OFD1: variants seen among roughly 807,000 people sequenced by gnomAD.
OFD1 encodes the protein centriole and centriolar satellite protein OFD1.
OFD1 carries 12 observed loss-of-function variants against 81.4 expected under a neutral mutation model. The ratio of observed to expected loss-of-function variants is 0.15; its 90% CI spans 0.09 to 0.24. OFD1 has a LOEUF of 0.24. Ranked by LOEUF, OFD1 falls within the 10% of genes least tolerant of loss-of-function variation. The probability of loss-of-function intolerance (pLI) is 1.00; values close to 1 mark genes in which losing one functional copy is unlikely to be tolerated. For synonymous variants in OFD1, 256 were observed against 263.7 expected (o/e 0.97, Z 0.28); for missense variants, 685 against 733.9 (o/e 0.93, Z 0.77).
intron 13 of OFD1, 122 bp from the exon 14 acceptor site, chrX:13,757,538 T>G: frequency 1.4e-6 from 1 of 704,525 alleles, no homozygotes; most frequent in Non-Finnish European, 2.1e-6. Context: ...TATTATCATA[T>G]TTATTGAGTC....
intron 19 of OFD1, among the ~76,000 whole-genome samples, chrX:13,764,665 C>T (rs761365556): frequency 8.9e-6 from 1 of 112,424 alleles, no homozygotes; most frequent in Non-Finnish European, 1.9e-5. Flanking sequence ...ATACCCAAAA[C>T]CCCTGTTAGC....
intron 18 of OFD1, among the ~76,000 whole-genome samples, chrX:13,762,679 A>G (rs1158134854): frequency 8.9e-6 from 1 of 112,864 alleles, no homozygotes; most frequent in Non-Finnish European, 1.9e-5. Flanking sequence ...GTTTGAGCTA[A>G]GCTTATAAAT....
chrX:13,728,041 C>G, the OFD1 span, among the ~76,000 whole-genome samples: 2 of 112,074 alleles, frequency 1.8e-5, no homozygotes, highest in Non-Finnish European at 3.8e-5. Flanking sequence ...TCTCCCAAGG[C>G]TAAACCAGGA....
chrX:13,764,349 T>G (rs1163672278), intron 19 of OFD1, among the ~76,000 whole-genome samples: 1 of 112,643 alleles, frequency 8.9e-6, no homozygotes, highest in African/African-American at 3.2e-5. Flanking sequence ...ACAGAAAAAC[T>G]TCGTATTTCA....
intron 3 of OFD1, among the ~76,000 whole-genome samples, chrX:13,737,095 A>G (rs2046896329): frequency 8.9e-6 from 1 of 111,794 alleles, no homozygotes. Context: ...AACATCAAGT[A>G]ACTTTTAAGT....
chrX:13,763,895 T>C, intron 19 of OFD1, 40 bp downstream of exon 19: 1 of 966,000 alleles, frequency 1.0e-6, no homozygotes, highest in Non-Finnish European at 1.5e-6. Context: ...CAGGGTCGCA[T>C]ACTAAATACC....
At chrX:13,749,626 A>G (rs2047430081) in intron 9 of OFD1, 93 bp downstream of exon 9, 2 of 575,317 alleles carry the variant, frequency 3.5e-6, no homozygotes, top group Admixed American at 5.3e-5. Context: ...TTCATTGCCA[A>G]GTAGAGTTCT....
upstream of OFD1, among the ~76,000 whole-genome samples, chrX:13,731,742 T>C (rs891583779): frequency 2.7e-5 from 3 of 112,112 alleles, no homozygotes; most frequent in East Asian, 8.4e-4. Context: ...GGGTGCTCCG[T>C]GTCAATTTAT....
intron 19 of OFD1, among the ~76,000 whole-genome samples, chrX:13,764,340 C>T (rs1045130177): frequency 8.9e-6 from 1 of 112,420 alleles, no homozygotes; most frequent in African/African-American, 3.2e-5. Context: ...GAAATTAGGA[C>T]AGAAAAACTT....
intron 5 of OFD1, chrX:13,739,957 C>CT (rs2047027080): frequency 1.1e-6 from 1 of 884,533 alleles, no homozygotes; most frequent in Non-Finnish European, 1.4e-6. Flanking sequence ...AGTAATAGTC[C>CT]TTTTGTGTTG....
intron 9 of OFD1, among the ~76,000 whole-genome samples, chrX:13,750,944 G>A (rs2047478762): frequency 2.7e-5 from 3 of 112,421 alleles, no homozygotes; most frequent in Non-Finnish European, 5.6e-5. Context: ...TCCCAGGATT[G>A]ATTTTGGCTA....
At chrX:13,735,145 C>A in intron 1 of OFD1, 62 bp downstream of exon 1, 1 of 1,205,461 alleles carries the variant, frequency 8.3e-7, no homozygotes, top group South Asian at 1.8e-5. Flanking sequence ...GTTAAACTTT[C>A]GCCGCTAGGC....
the OFD1 span, among the ~76,000 whole-genome samples, chrX:13,722,920 G>A: frequency 2.7e-5 from 3 of 110,121 alleles, no homozygotes; most frequent in South Asian, 3.9e-4. Context: ...AAAATTAGCC[G>A]AGTGTGGTGG....
At chrX:13,723,955 G>C in the OFD1 span, among the ~76,000 whole-genome samples, 1 of 111,772 alleles carries the variant, frequency 8.9e-6, no homozygotes, top group Non-Finnish European at 1.9e-5. Flanking sequence ...CATGACAAGG[G>C]CCTTAAAAGT....
upstream of OFD1, among the ~76,000 whole-genome samples, chrX:13,732,055 G>A (rs1490368130): frequency 8.9e-6 from 1 of 112,014 alleles, no homozygotes; most frequent in Non-Finnish European, 1.9e-5. Flanking sequence ...CAACCCAAAA[G>A]TTCTGCAAGC....
Position 13,752,684 on chromosome X carries a change from A to G in OFD1, c.1056-684A>G, listed in dbSNP as rs1355393284. 4 of 968,126 alleles carry G rather than the reference A, an allele frequency of 4.1e-6. No homozygotes were observed. The East Asian group carries it at 3.0e-4, about 73-fold the overall frequency. 79.8% of individuals were successfully genotyped at this position (968,126 alleles called of 1,213,427 possible). On this transcript the variant is annotated intron_variant, in intron 10 of 22. Transcript: ENST00000340096. ...TACATAGTTATGGAGCTAGTGAACT[A>G]TTTGGTGTCATTGTGACAGCTTCCA...
In OFD1 at chrX:13,750,224, A is replaced by G. The variant is rs765857310; in HGVS notation, c.935+691A>G. ...TGTCTACCTTACTCTCTTTTTGGCAATAATGAAAAGGTAAATTGATCAAGA... is the reference window on the plus strand; with the variant it reads ...TGTCTACCTTACTCTCTTTTTGGCAGTAATGAAAAGGTAAATTGATCAAGA... On this transcript the variant is annotated intron_variant, in intron 9 of 22. Coordinates refer to ENST00000340096, the MANE Select transcript of OFD1 (RefSeq NM_003611.3). Among the ~76,000 whole-genome samples, 51 of 112,261 alleles carry G rather than the reference A, an allele frequency of 4.5e-4. No homozygotes were observed. Among genetic ancestry groups the G allele is most frequent in the Non-Finnish European group, 8.6e-4 (46 of 53,260 alleles).
downstream of OFD1, chrX:13,773,226 A>G (rs1173273649): frequency 3.1e-6 from 1 of 321,701 alleles, no homozygotes; most frequent in Non-Finnish European, 5.4e-6. Context: ...GGCTGAAGAA[A>G]AGTTAGTATA....
At chrX:13,715,852 C>T in the OFD1 span, 2 of 987,013 alleles carry the variant, frequency 2.0e-6, no homozygotes, top group Non-Finnish European at 2.6e-6. Flanking sequence ...GAAGACTTAC[C>T]TGCGGAGGGA....
Sources: gnomAD v4.1 joint callset for allele counts (sites outside exome capture counted in the v4.1 genomes callset) on GRCh38, gnomAD v4.1.1 for gene constraint, MANE v1.5 for transcripts, NCBI Gene and HGNC (gene_info 2026-07-23, HGNC 2026-07-21) for gene names.